Variants in DIP2C observed in about 807,000 individuals in gnomAD.
DIP2C encodes the protein DIP2 acetate--CoA ligase C (putative).
In DIP2C, 33 loss-of-function variants were observed where a neutral mutation model predicts 192.4. The observed-to-expected ratio is 0.17, with a 90% confidence interval of 0.13 to 0.23. The LOEUF is 0.23. DIP2C is among the 10% of genes least tolerant of loss of function. The pLI is 1.00. For missense variants in DIP2C, 1,537 were observed against 2,110.1 expected (o/e 0.73, Z 5.32); for synonymous variants, 979 against 864.1 (o/e 1.13, Z -2.33).
intron 29 of DIP2C, among the ~76,000 whole-genome samples, chr10:335,668 C>G (rs1019219562): frequency 6.6e-6 from 1 of 152,232 alleles, no homozygotes; most frequent in African/African-American, 2.4e-5. Flanking sequence ...GCAGGAGTAT[C>G]GCGGATGCGG....
chr10:279,973 G>A (rs1252826611), intron 36 of DIP2C, among the ~76,000 whole-genome samples: 3 of 152,180 alleles, frequency 2.0e-5, no homozygotes, highest in African/African-American at 4.8e-5. Context: ...ATACAAAAAC[G>A]GAAGGCTGTA....
At chr10:477,235 C>T (rs969070187) in intron 2 of DIP2C, among the ~76,000 whole-genome samples, 15 of 114,432 alleles carry the variant, frequency 1.3e-4, no homozygotes, top group Admixed American at 6.8e-4. Flanking sequence ...AATGGAGGAA[C>T]GAATGGAGAA....
chr10:584,253 G>A (rs971386587), intron 1 of DIP2C, among the ~76,000 whole-genome samples: 11 of 152,214 alleles, frequency 7.2e-5, no homozygotes, highest in African/African-American at 2.7e-4. Flanking sequence ...CAGGAAAATT[G>A]TGATACTCTT....
intron 17 of DIP2C, among the ~76,000 whole-genome samples, chr10:378,620 GAC>G (rs766585483): frequency 8.2e-4 from 122 of 149,116 alleles, no homozygotes; most frequent in Admixed American, 2.1e-3. Flanking sequence ...CATGCATAAA[GAC>G]ACACGAACAC....
chr10:384,271 C>CTTTTTTTTTTTTT, intron 15 of DIP2C, 125 bp from the exon 16 acceptor site: 1 of 300,578 alleles, frequency 3.3e-6, no homozygotes, highest in South Asian at 2.9e-5. Context: ...CCCCACAAAC[C>CTTTTTTTTTTTTT]TTTTTTTTTT....
intron 32 of DIP2C, among the ~76,000 whole-genome samples, chr10:306,485 CGAT>C (rs1956328337): frequency 6.6e-6 from 1 of 152,142 alleles, no homozygotes; most frequent in African/African-American, 2.4e-5. Context: ...AGTAATTAGA[CGAT>C]AATTGGGCAG....
chr10:311,602 A>C (rs373587769), intron 31 of DIP2C: 5 of 1,232,094 alleles, frequency 4.1e-6, no homozygotes, highest in South Asian at 4.1e-5. Context: ...AGAAGAGAGG[A>C]GAGAACACCA....
chr10:388,954 G>T lies in DIP2C; in HGVS notation c.1597+1037C>A, dbSNP rs879350345. On this transcript the variant is annotated intron_variant, in intron 13 of 36. Coordinates refer to ENST00000280886, the MANE Select transcript of DIP2C (RefSeq NM_014974.3). ...TCCTAAGGGATCTCAGGGACATGGG[G>T]GGGTTCTCTGGAGTCTCAAGGGGCC... Among the ~76,000 whole-genome samples the T allele has an allele frequency of 1.2e-3, 182 of 151,904 alleles. 1 individual carries two copies. The highest frequency in any genetic ancestry group is 5.1e-3 in the Admixed American group (78 of 15,298).
intron 1 of DIP2C, among the ~76,000 whole-genome samples, chr10:680,161 G>A (rs1222800605): frequency 6.6e-6 from 1 of 152,178 alleles, no homozygotes; most frequent in Non-Finnish European, 1.5e-5. Context: ...GAACGCTTGG[G>A]ACCCTGGCAC....
At chr10:639,662 C>T (rs964263103) in intron 1 of DIP2C, among the ~76,000 whole-genome samples, 1 of 152,240 alleles carries the variant, frequency 6.6e-6, no homozygotes, top group Non-Finnish European at 1.5e-5. Flanking sequence ...TTGCTAATGA[C>T]AACGAAGCAT....
At chr10:569,841 C>T (rs559281020) in intron 1 of DIP2C, among the ~76,000 whole-genome samples, 95 of 152,282 alleles carry the variant, frequency 6.2e-4, no homozygotes, top group African/African-American at 2.1e-3. Context: ...ATTCTACCCT[C>T]GCACACCTTT....
chr10:300,992 C>G (rs1956018196), intron 32 of DIP2C, among the ~76,000 whole-genome samples: 1 of 152,154 alleles, frequency 6.6e-6, no homozygotes, highest in Non-Finnish European at 1.5e-5. Flanking sequence ...TTTATTTCAA[C>G]AAAAGAACTA....
chr10:470,309 A>G (rs1431502274), intron 3 of DIP2C, among the ~76,000 whole-genome samples: 1 of 152,200 alleles, frequency 6.6e-6, no homozygotes, highest in Non-Finnish European at 1.5e-5. Context: ...AACAGGAGAA[A>G]TGAACCGTGC....
intron 1 of DIP2C, among the ~76,000 whole-genome samples, chr10:606,478 T>C (rs573041195): frequency 4.6e-5 from 7 of 151,680 alleles, no homozygotes; most frequent in African/African-American, 1.7e-4. Context: ...TTACCTGCTG[T>C]GATCTGAATT....
At chr10:515,725 AAAAAAT>A (rs1180129794) in intron 1 of DIP2C, among the ~76,000 whole-genome samples, 11 of 152,226 alleles carry the variant, frequency 7.2e-5, no homozygotes, top group South Asian at 2.1e-4. Context: ...CTGTCTCTCA[AAAAAAT>A]AAAAATAAAA....
intron 30 of DIP2C, among the ~76,000 whole-genome samples, 170 bp downstream of exon 30, chr10:329,263 G>A (rs960076857): frequency 3.9e-5 from 6 of 152,186 alleles, no homozygotes; most frequent in Non-Finnish European, 7.3e-5. Context: ...AAATATTCAC[G>A]TTAAAAAGAT....
intron 1 of DIP2C, among the ~76,000 whole-genome samples, chr10:548,642 T>G: frequency 1.4e-5 from 2 of 139,632 alleles, no homozygotes; most frequent in African/African-American, 2.7e-5. Flanking sequence ...GGGGAGGAGA[T>G]GTGGCCAGAG....
chr10:580,642 A>G (rs1301874779), intron 1 of DIP2C, among the ~76,000 whole-genome samples: 2 of 152,240 alleles, frequency 1.3e-5, no homozygotes, highest in African/African-American at 2.4e-5. Flanking sequence ...TACACCACAT[A>G]CAAGTACACA....
At chr10:429,725 C>T (rs1229623321) in intron 4 of DIP2C, among the ~76,000 whole-genome samples, 1 of 151,838 alleles carries the variant, frequency 6.6e-6, no homozygotes, top group Non-Finnish European at 1.5e-5. Flanking sequence ...CATTTATTTT[C>T]AGCATCCAAT....
Sources: gnomAD v4.1 joint callset for allele counts (sites outside exome capture counted in the v4.1 genomes callset) on GRCh38, gnomAD v4.1.1 for gene constraint, MANE v1.5 for transcripts, NCBI Gene and HGNC (gene_info 2026-07-23, HGNC 2026-07-21) for gene names.